CAT: variants seen among roughly 807,000 people sequenced by gnomAD.
CAT encodes catalase, also known as epididymis secretory sperm binding protein.
A neutral mutation model predicts 59.0 loss-of-function variants in CAT; 43 were observed. The ratio of observed to expected loss-of-function variants is 0.73; its 90% confidence interval spans 0.57 to 0.94. The LOEUF (loss-of-function observed/expected upper bound fraction) is 0.94. Ranked by LOEUF, CAT falls within the 40% of genes least tolerant of loss-of-function variation. The pLI is 0.00. For missense variants in CAT, 664 were observed against 682.9 expected (o/e 0.97, Z 0.31); for synonymous variants, 218 against 230.9 (o/e 0.94, Z 0.51).
chr11:34,448,914 G>C (rs998932017), intron 1 of CAT, among the ~76,000 whole-genome samples: 5 of 152,118 alleles, frequency 3.3e-5, no homozygotes, highest in Non-Finnish European at 7.4e-5. Flanking sequence ...GCTTTCTCTG[G>C]AGCAGGTGCT....
chr11:34,453,233 G>A, intron 5 of CAT, 39 bp downstream of exon 5: 1 of 1,189,474 alleles, frequency 8.4e-7, no homozygotes, highest in Non-Finnish European at 1.3e-6. Flanking sequence ...TATCACCTGG[G>A]ATGCAGTGTT....
chr11:34,441,856 G>C (rs1856394618), intron 1 of CAT, among the ~76,000 whole-genome samples: 1 of 152,142 alleles, frequency 6.6e-6, no homozygotes, highest in Admixed American at 6.5e-5. Context: ...GTGCACAGGT[G>C]GTTTTATTTC....
Position 34,468,707 on chromosome 11 carries a change from T to C in CAT, c.1434+312T>C, listed in dbSNP as rs558670159. Among the ~76,000 whole-genome samples the C allele has an allele frequency of 3.6e-4, 55 of 152,286 alleles. 1 individual carries two copies. The South Asian group carries it at 9.3e-3, about 26-fold the overall frequency. The stretch of plus-strand genomic sequence containing the variant: ...TCTGTGCAAGATAGTAAATGTGCAA[T>C]ATCAAAATGTGAGTCCTGCTGCAAT... On this transcript the variant is annotated intron_variant, in intron 11 of 12. Transcript: ENST00000241052.
Position 34,453,116 on chromosome 11 carries a change from G to A in CAT, c.507G>A (p.Lys169=). The A allele has an allele frequency of 6.2e-7, 1 of 1,612,892 alleles. No homozygotes were observed. Among genetic ancestry groups the A allele is most frequent in the Non-Finnish European group, 8.5e-7 (1 of 1,179,080 alleles). Residue 169 remains lysine, a synonymous_variant, in exon 5 of 13, where the codon AAG becomes AAA. Transcript: ENST00000241052. ...TTCCATCTTTTATCCACAGCCAAAAGAGAAATCCTCAGACACATCTGAAGG... is the reference window on the plus strand; with the variant it reads ...TTCCATCTTTTATCCACAGCCAAAAAAGAAATCCTCAGACACATCTGAAGG... ...ILFPSFIHSQ[K]RNPQTHLKDP... is the part of the protein sequence containing the mutation.
chr11:34,455,921 G>A, intron 6 of CAT, 90 bp from the exon 7 acceptor site: 1 of 1,029,450 alleles, frequency 9.7e-7, no homozygotes, highest in Non-Finnish European at 1.5e-6. Flanking sequence ...TTTGGGCAGT[G>A]TTACTCATAA....
intron 10 of CAT, 24 bp downstream of exon 10, chr11:34,464,259 A>G (rs1402880694): frequency 8.1e-6 from 13 of 1,611,908 alleles, no homozygotes; most frequent in South Asian, 1.1e-5. Context: ...TTTATCTGCT[A>G]TGGAAGTCAC....
chr11:34,444,213 T>A (rs1856424424), intron 1 of CAT, among the ~76,000 whole-genome samples: 1 of 152,130 alleles, frequency 6.6e-6, no homozygotes, highest in African/African-American at 2.4e-5. Context: ...CAGGGCTTAA[T>A]ACCATAGGGA....
chr11:34,453,127 A>G lies in CAT; in HGVS notation c.518A>G (p.Gln173Arg). 1 of 1,613,462 alleles carries G rather than the reference A, an allele frequency of 6.2e-7. No homozygotes were observed. Among genetic ancestry groups the G allele is most frequent in the Admixed American group, 1.7e-5 (1 of 60,002 alleles). Residue 173 changes from glutamine to arginine, a missense_variant, in exon 5 of 13, where the codon CAG becomes CGG. Coordinates refer to ENST00000241052, the MANE Select transcript of CAT (RefSeq NM_001752.4). ...ATCCACAGCCAAAAGAGAAATCCTC[A>G]GACACATCTGAAGGATCCGGACATG... is the stretch of plus-strand genomic sequence containing the variant. ...SFIHSQKRNP[Q>R]THLKDPDMVW...
At chr11:34,439,268 G>A (rs748642827) in intron 1 of CAT, among the ~76,000 whole-genome samples, 189 bp downstream of exon 1, 6 of 152,210 alleles carry the variant, frequency 3.9e-5, no homozygotes, top group Non-Finnish European at 8.8e-5. Context: ...GGTCCGGGTA[G>A]TGGGGCGCGG....
intron 8 of CAT, among the ~76,000 whole-genome samples, chr11:34,459,196 C>A (rs1329434642): frequency 1.3e-5 from 2 of 151,926 alleles, no homozygotes; most frequent in East Asian, 3.9e-4. Context: ...CATTTGGTGA[C>A]CATTAAGGAA....
chr11:34,444,171 A>G lies in CAT; in HGVS notation c.67-5021A>G, dbSNP rs143700920. On this transcript the variant is annotated intron_variant, in intron 1 of 12. Transcript: ENST00000241052. ...GTGTCTTGCGTGTTGGCGAGACAAG[A>G]TGGTGGATCCCATACCATTACCCCT... Among the ~76,000 whole-genome samples, 402 of 152,210 alleles carry G rather than the reference A, an allele frequency of 2.6e-3. 6 individuals carry two copies. Among genetic ancestry groups the G allele is most frequent in the Non-Finnish European group, 4.1e-3 (277 of 68,010 alleles).
At chr11:34,468,539 C>T in intron 11 of CAT, 144 bp downstream of exon 11, 1 of 671,134 alleles carries the variant, frequency 1.5e-6, no homozygotes, top group Middle Eastern at 3.9e-4. Context: ...TAGTAATCCC[C>T]AACCAACTTC....
At chr11:34,447,850 A>G (rs1856476821) in intron 1 of CAT, among the ~76,000 whole-genome samples, 2 of 152,182 alleles carry the variant, frequency 1.3e-5, no homozygotes, top group Non-Finnish European at 2.9e-5. Context: ...GAGACTCATA[A>G]ATAAGTAACT....
chr11:34,464,308 C>A, intron 10 of CAT, 73 bp downstream of exon 10: 1 of 1,402,026 alleles, frequency 7.1e-7, no homozygotes. Flanking sequence ...TAATCCCCCT[C>A]CCTGCAAATG....
intron 1 of CAT, among the ~76,000 whole-genome samples, chr11:34,448,615 CT>C (rs1856486788): frequency 1.3e-5 from 2 of 152,020 alleles, no homozygotes; most frequent in South Asian, 4.1e-4. Context: ...TATAATCCAC[CT>C]TACCAGTAAC....
In CAT at chr11:34,453,870, A is replaced by G. The variant is rs1856559255; in HGVS notation, c.655A>G (p.Thr219Ala). ...CCACATGAATGGATATGGATCACAT[A>G]CTTTCAAGCTGGTTAATGCAAATGG... ...HRHMNGYGSH[T>A]FKLVNANGEA... Residue 219 changes from threonine to alanine, a missense_variant, in exon 6 of 13, where the codon ACT becomes GCT. Transcript: ENST00000241052. 1.9e-6 allele frequency: 3 copies of G among 1,613,612 alleles called. No homozygotes were observed. The African/African-American group carries it at 4.0e-5, about 22-fold the overall frequency.
intron 1 of CAT, 113 bp downstream of exon 1, chr11:34,439,192 T>G: frequency 1.0e-6 from 1 of 996,988 alleles, no homozygotes; most frequent in Non-Finnish European, 1.6e-6. Flanking sequence ...GTACCGCGGC[T>G]CACTGGGCAG....
chr11:34,461,565 G>T (rs1334364256), intron 9 of CAT, among the ~76,000 whole-genome samples, 176 bp downstream of exon 9: 1 of 152,232 alleles, frequency 6.6e-6, no homozygotes, highest in Non-Finnish European at 1.5e-5. Flanking sequence ...GATTTAGGCT[G>T]CCTGAGGACT....
chr11:34,455,679 C>A (rs1856579992), intron 6 of CAT, among the ~76,000 whole-genome samples: 1 of 152,038 alleles, frequency 6.6e-6, no homozygotes, highest in Admixed American at 6.5e-5. Flanking sequence ...TAATCTTTTG[C>A]CTACTTTTAA....
Sources: allele counts gnomAD v4.1 joint callset (sites outside exome capture counted in the v4.1 genomes callset), GRCh38; gene constraint gnomAD v4.1.1; transcripts MANE v1.5; gene names NCBI Gene and HGNC (gene_info 2026-07-23, HGNC 2026-07-21).